SLC25A28: variants seen among roughly 807,000 people sequenced by gnomAD.
The protein encoded by SLC25A28 is solute carrier family 25 member 28.
A neutral mutation model predicts 31.9 loss-of-function variants in SLC25A28; 10 were observed. The ratio of observed to expected loss-of-function variants is 0.31; its 90% CI spans 0.19 to 0.53. The LOEUF (loss-of-function observed/expected upper bound fraction) is 0.53. Ranked by LOEUF, SLC25A28 falls within the 20% of genes least tolerant of loss-of-function variation. SLC25A28 has a pLI of 0.95. For synonymous variants in SLC25A28, 208 were observed against 203.6 expected (o/e 1.02, Z -0.19); for missense variants, 256 against 490.3 (o/e 0.52, Z 4.51).
chr10:99,655,362 T>C, the SLC25A28 span, among the ~76,000 whole-genome samples: 3 of 152,126 alleles, frequency 2.0e-5, no homozygotes, highest in African/African-American at 7.2e-5. Flanking sequence ...AGTTATGAAA[T>C]GTAAATTAGA....
chr10:99,622,036 C>T (rs1391182153), upstream of SLC25A28: 1 of 152,170 alleles, frequency 6.6e-6, no homozygotes, highest in Non-Finnish European at 1.5e-5. Flanking sequence ...TAACCTCTCC[C>T]TGGCCGGCGC....
chr10:99,658,896 A>G, the SLC25A28 span, among the ~76,000 whole-genome samples: 45 of 152,316 alleles, frequency 3.0e-4, no homozygotes, highest in African/African-American at 1.0e-3. Flanking sequence ...ATTCATGATG[A>G]CTGGCATAAG....
the SLC25A28 span, among the ~76,000 whole-genome samples, chr10:99,646,558 C>T: frequency 6.6e-6 from 1 of 152,314 alleles, no homozygotes; most frequent in East Asian, 1.9e-4. Context: ...ATGGGCTGCA[C>T]CCACTGTCTG....
At chr10:99,646,796 G>T in the SLC25A28 span, among the ~76,000 whole-genome samples, 1 of 152,274 alleles carries the variant, frequency 6.6e-6, no homozygotes, top group East Asian at 1.9e-4. Context: ...GTACCCAACA[G>T]GTAATTTTCT....
the SLC25A28 span, among the ~76,000 whole-genome samples, chr10:99,641,503 C>T: frequency 5.3e-5 from 8 of 152,244 alleles, no homozygotes; most frequent in Non-Finnish European, 4.4e-5. Context: ...ACAATTTTCT[C>T]CCATTCTGTA....
chr10:99,619,662 T>C (rs1345540214), intron 1 of SLC25A28, among the ~76,000 whole-genome samples: 2 of 152,234 alleles, frequency 1.3e-5, no homozygotes, highest in Non-Finnish European at 2.9e-5. Flanking sequence ...CTCAAGCCGT[T>C]AGATCCATTT....
chr10:99,642,128 A>T, the SLC25A28 span, among the ~76,000 whole-genome samples: 1 of 152,116 alleles, frequency 6.6e-6, no homozygotes, highest in Non-Finnish European at 1.5e-5. Context: ...CTTGATGGGG[A>T]TGGCATTGAA....
the SLC25A28 span, among the ~76,000 whole-genome samples, chr10:99,635,004 C>T: frequency 6.6e-6 from 1 of 152,152 alleles, no homozygotes; most frequent in Non-Finnish European, 1.5e-5. Flanking sequence ...CCTCCTCAAA[C>T]AAAACAATTA....
At chr10:99,626,171 T>C in the SLC25A28 span, among the ~76,000 whole-genome samples, 1 of 152,206 alleles carries the variant, frequency 6.6e-6, no homozygotes, top group African/African-American at 2.4e-5. Flanking sequence ...GAGTGTAGTA[T>C]AAAATGAGAT....
chr10:99,617,299 A>G (rs1381376332), intron 1 of SLC25A28: 6 of 985,444 alleles, frequency 6.1e-6, no homozygotes, highest in Non-Finnish European at 7.2e-6. Flanking sequence ...TGGTTGAATA[A>G]CCATGATCCA....
the SLC25A28 span, among the ~76,000 whole-genome samples, chr10:99,638,645 C>G: frequency 6.6e-6 from 1 of 152,154 alleles, no homozygotes; most frequent in Non-Finnish European, 1.5e-5. Context: ...AGACAATTCT[C>G]AGAAGAAGAT....
chr10:99,625,769 A>C, the SLC25A28 span, among the ~76,000 whole-genome samples: 1 of 152,190 alleles, frequency 6.6e-6, no homozygotes, highest in Non-Finnish European at 1.5e-5. Context: ...AAAGAAAAGG[A>C]TATGTTCTCC....
chr10:99,624,203 G>C (rs562749357), upstream of SLC25A28, among the ~76,000 whole-genome samples: 14 of 98,306 alleles, frequency 1.4e-4, no homozygotes, highest in African/African-American at 5.0e-4. Flanking sequence ...TTCTTTCTTT[G>C]TTTCTTTCTT....
At chr10:99,621,057 C>A, upstream of SLC25A28, 1 of 884,438 alleles carries the variant, frequency 1.1e-6, no homozygotes, top group Non-Finnish European at 1.4e-6. Context: ...GAGGCGGGGC[C>A]GGCCTGGGCC....
the SLC25A28 span, among the ~76,000 whole-genome samples, chr10:99,651,502 C>A: frequency 1.3e-5 from 2 of 151,842 alleles, no homozygotes; most frequent in African/African-American, 4.8e-5. Context: ...ATATTTTCTC[C>A]CACAGAAGGA....
chr10:99,612,436 A>G, intron 3 of SLC25A28, 107 bp downstream of exon 3: 1 of 1,325,582 alleles, frequency 7.5e-7, no homozygotes, highest in Non-Finnish European at 1.1e-6. Flanking sequence ...TCTAGTGGTA[A>G]AACAAGGTAA....
chr10:99,624,622 G>A (rs2034851025), upstream of SLC25A28, among the ~76,000 whole-genome samples: 1 of 152,166 alleles, frequency 6.6e-6, no homozygotes, highest in Admixed American at 6.5e-5. Flanking sequence ...ATCACTTGAG[G>A]TCAGGAGTTT....
chr10:99,649,235 T>G, the SLC25A28 span, among the ~76,000 whole-genome samples: 4 of 152,248 alleles, frequency 2.6e-5, no homozygotes, highest in Non-Finnish European at 5.9e-5. Flanking sequence ...TTAATTCTGT[T>G]TATGTGATGT....
rs933144548 is a variant in SLC25A28 at position 99,613,012 on chromosome 10, C to T, written c.521-413G>A. Among the ~76,000 whole-genome samples the T allele has an allele frequency of 2.0e-5, 3 of 152,152 alleles. No individual in the cohort carries two copies. Among genetic ancestry groups the T allele is most frequent in the Admixed American group, 6.5e-5 (1 of 15,278 alleles). ...CTCACCACAGAATCCCACCTCAGTC[C>T]TGCCGCAGAACCCATTTGCAGAGCC... On this transcript the variant is annotated intron_variant, in intron 2 of 3. Coordinates refer to ENST00000370495, the MANE Select transcript of SLC25A28 (RefSeq NM_031212.4). This position sits in a 1 kb window ranked among gnomAD's most constrained non-coding sequence, Gnocchi z 4.9.
Sources: allele counts gnomAD v4.1 joint callset (sites outside exome capture counted in the v4.1 genomes callset), GRCh38; gene constraint gnomAD v4.1.1; non-coding constraint Gnocchi (gnomAD v3.1); transcripts MANE v1.5; gene names NCBI Gene and HGNC (gene_info 2026-07-23, HGNC 2026-07-21).